The following ANO4 variants were observed in gnomAD, a reference collection of about 807,000 sequenced individuals.
The protein encoded by ANO4 is anoctamin-4.
In ANO4, 69 loss-of-function variants were observed where a neutral mutation model predicts 141.9. That is an observed-to-expected ratio of 0.49 (90% CI 0.40 to 0.59). The LOEUF is 0.59. Among genes scored for constraint, ANO4 ranks in the 20% least tolerant of loss-of-function variants. ANO4 has a pLI of 0.00. For synonymous variants in ANO4, 350 were observed against 394.3 expected (o/e 0.89, Z 1.33); for missense variants, 894 against 1,162.2 (o/e 0.77, Z 3.36).
intron 3 of ANO4, among the ~76,000 whole-genome samples, chr12:100,931,935 G>T (rs2042100432): frequency 6.6e-6 from 1 of 151,216 alleles, no homozygotes; most frequent in Non-Finnish European, 1.5e-5. Flanking sequence ...TCTGGTAAGT[G>T]TTAAAATTGA....
chr12:100,979,668 A>G (rs948498484), intron 7 of ANO4, among the ~76,000 whole-genome samples: 8 of 152,106 alleles, frequency 5.3e-5, no homozygotes, highest in Non-Finnish European at 8.8e-5. Context: ...CATGTTCTCC[A>G]TGTGTGCAGA....
chr12:100,785,853 TTCCTTCCA>T (rs1185899317), intron 3 of ANO4, among the ~76,000 whole-genome samples: 1 of 152,186 alleles, frequency 6.6e-6, no homozygotes, highest in African/African-American at 2.4e-5. Flanking sequence ...CCATTTTGCA[TTCCTTCCA>T]GCAATGCAGA....
chr12:100,946,371 G>A (rs1413430856), intron 5 of ANO4, among the ~76,000 whole-genome samples: 1 of 152,166 alleles, frequency 6.6e-6, no homozygotes, highest in African/African-American at 2.4e-5. Flanking sequence ...GGTGGCAAGG[G>A]CAGAAGCAGG....
chr12:100,919,102 A>G (rs1225853164), intron 2 of ANO4, among the ~76,000 whole-genome samples: 1 of 152,236 alleles, frequency 6.6e-6, no homozygotes, highest in East Asian at 1.9e-4. Context: ...GAGCTATAAA[A>G]TGTGTTTTTG....
chr12:100,929,580 G>C (rs1435596191), intron 3 of ANO4, among the ~76,000 whole-genome samples: 3 of 152,116 alleles, frequency 2.0e-5, no homozygotes, highest in Admixed American at 1.3e-4. Context: ...GTAAACATGA[G>C]AGTGCAGATA....
chr12:100,907,843 A>C (rs79972230), intron 2 of ANO4, among the ~76,000 whole-genome samples: 1 of 152,172 alleles, frequency 6.6e-6, no homozygotes, highest in Admixed American at 6.5e-5. Context: ...TTTCATTGCT[A>C]TCTCTTTGAA....
intron 3 of ANO4, among the ~76,000 whole-genome samples, chr12:100,743,962 C>T (rs2031984913): frequency 6.6e-6 from 1 of 152,100 alleles, no homozygotes; most frequent in Non-Finnish European, 1.5e-5. Flanking sequence ...TAACTTCCAT[C>T]ACCACTACCA....
intron 1 of ANO4, among the ~76,000 whole-genome samples, chr12:100,730,318 C>CCA (rs903115487): frequency 3.9e-5 from 6 of 151,980 alleles, no homozygotes; most frequent in African/African-American, 1.5e-4. Flanking sequence ...CCCCTGCCCC[C>CCA]CAAGAGTGAG....
At chr12:101,100,354 A>G (rs1027464816) in intron 22 of ANO4, among the ~76,000 whole-genome samples, 7 of 152,176 alleles carry the variant, frequency 4.6e-5, no homozygotes, top group African/African-American at 1.7e-4. Flanking sequence ...GGCAAGAACC[A>G]TTTCTTCTAA....
intron 15 of ANO4, among the ~76,000 whole-genome samples, chr12:101,080,012 C>T (rs928025090): frequency 7.2e-5 from 11 of 152,208 alleles, no homozygotes; most frequent in Admixed American, 3.3e-4. Flanking sequence ...GGCCTCAGCC[C>T]CACTCTCCTC....
intron 8 of ANO4, among the ~76,000 whole-genome samples, chr12:100,994,117 A>G (rs112491150): frequency 3.9e-5 from 6 of 152,132 alleles, no homozygotes; most frequent in African/African-American, 7.2e-5. Flanking sequence ...GACACTGCCA[A>G]ATTTCCCCTG....
intron 1 of ANO4, among the ~76,000 whole-genome samples, chr12:100,728,219 T>TGA (rs1310312557): frequency 2.6e-5 from 4 of 152,220 alleles, no homozygotes; most frequent in Admixed American, 6.5e-5. Flanking sequence ...GTTTAATTGT[T>TGA]GAGATGGGCT....
At chr12:100,805,278 C>G (rs1238030024) in intron 1 of ANO4, among the ~76,000 whole-genome samples, 2 of 152,058 alleles carry the variant, frequency 1.3e-5, no homozygotes, top group African/African-American at 4.8e-5. Flanking sequence ...GGTCTTATTT[C>G]TGAGTTCTCT....
At chr12:100,983,585 C>T (rs1037753595) in intron 7 of ANO4, among the ~76,000 whole-genome samples, 5 of 152,178 alleles carry the variant, frequency 3.3e-5, no homozygotes, top group African/African-American at 1.2e-4. Context: ...TCTTTATTGG[C>T]TGAAAGTCTT....
At chr12:100,895,606 G>A (rs1231374529) in intron 1 of ANO4, among the ~76,000 whole-genome samples, 1 of 145,598 alleles carries the variant, frequency 6.9e-6, no homozygotes, top group Non-Finnish European at 1.5e-5. Context: ...TTGTTGCCCA[G>A]GCTGGAGTGC....
In ANO4 at chr12:101,048,413, A is replaced by T. The variant is rs770614559; in HGVS notation, c.1312+12A>T. Reference sequence around the variant, plus strand: ...CATGGCAGTCTGGGGTAAGTGTTCTATAACCATAAAACTTGAGTTTTCCTC... The same window carrying T: ...CATGGCAGTCTGGGGTAAGTGTTCTTTAACCATAAAACTTGAGTTTTCCTC... On this transcript the variant is annotated intron_variant, in intron 14 of 27. Transcript: ENST00000392977. 3.7e-6 allele frequency: 6 copies of T among 1,612,102 alleles called. No individual in the cohort carries two copies. The African/African-American group carries it at 6.7e-5, about 18-fold the overall frequency.
chr12:100,993,351 T>A (rs886237233), intron 8 of ANO4, among the ~76,000 whole-genome samples: 1 of 152,168 alleles, frequency 6.6e-6, no homozygotes, highest in Non-Finnish European at 1.5e-5. Context: ...GGTAGAAAAA[T>A]TCTTATTGTA....
At chr12:100,926,602 T>TTGTGTGTGTGTGTG (rs3059281) in intron 3 of ANO4, among the ~76,000 whole-genome samples, 201 of 147,502 alleles carry the variant, frequency 1.4e-3, no homozygotes, top group African/African-American at 4.9e-3. Context: ...AAGGGTGTGT[T>TTGTGTGTGTGTGTG]TGTGTGTGTG....
chr12:100,718,473 C>A (rs140328770), intron 1 of ANO4, among the ~76,000 whole-genome samples: 6 of 152,180 alleles, frequency 3.9e-5, no homozygotes, highest in Non-Finnish European at 8.8e-5. Flanking sequence ...TCTGCAGGGA[C>A]ATCTCAAAGC....
Sources: gnomAD v4.1 joint callset for allele counts (sites outside exome capture counted in the v4.1 genomes callset) on GRCh38, gnomAD v4.1.1 for gene constraint, MANE v1.5 for transcripts, NCBI Gene and HGNC (gene_info 2026-07-23, HGNC 2026-07-21) for gene names.